CDK19: variants seen among roughly 807,000 people sequenced by gnomAD.
The protein encoded by CDK19 is cyclin dependent kinase 19, also known as cyclin-dependent kinase 19.
A neutral mutation model predicts 68.3 loss-of-function variants in CDK19; 20 were observed. The observed-to-expected ratio is 0.29, with a 90% CI of 0.21 to 0.43. The LOEUF (loss-of-function observed/expected upper bound fraction) is 0.43. CDK19 is among the 20% of genes least tolerant of loss of function. The pLI is 1.00. For synonymous variants in CDK19, 221 were observed against 222.8 expected, an observed-to-expected ratio of 0.99 and a Z score of 0.07; for missense variants, 339 against 623.5, an observed-to-expected ratio of 0.54 and a Z score of 4.86.
At chr6:110,715,413 T>A (rs1438587469) in intron 2 of CDK19, among the ~76,000 whole-genome samples, 1 of 152,224 alleles carries the variant, frequency 6.6e-6, no homozygotes, top group Non-Finnish European at 1.5e-5. Context: ...TATTTAAGAA[T>A]CAGACAGAAA....
At position 110,815,249 on chromosome 6, in the gene CDK19, G is replaced by T; in HGVS notation, c.-113C>A. ...TCTCCAACAGCCGCCTCTCGCGCGC[G>T]CGCGCGCGCCGCCCGCCGCCCGCCG... On this transcript the variant is annotated 5_prime_UTR_variant, in exon 1 of 13. Transcript: ENST00000368911. The T allele has an allele frequency of 8.2e-7, 1 of 1,220,230 alleles. No homozygotes were observed. Among genetic ancestry groups the T allele is most frequent in the Non-Finnish European group, 1.0e-6 (1 of 962,330 alleles). The allele number at this position is 1,220,230 out of a possible 1,614,324, so 75.6% of individuals were successfully genotyped here.
intron 2 of CDK19, among the ~76,000 whole-genome samples, chr6:110,687,541 C>T (rs1772595982): frequency 6.6e-6 from 1 of 152,094 alleles, no homozygotes. Flanking sequence ...TTCCATTAAA[C>T]AAAAATGCCA....
chr6:110,741,765 G>T (rs912543486), intron 2 of CDK19, among the ~76,000 whole-genome samples: 1 of 152,108 alleles, frequency 6.6e-6, no homozygotes, highest in African/African-American at 2.4e-5. Context: ...CAGTCAAAGT[G>T]TGAAAGAAAA....
chr6:110,728,094 C>A (rs150724033), intron 2 of CDK19, among the ~76,000 whole-genome samples: 2,057 of 152,004 alleles, frequency 0.014, 58 homozygotes, highest in African/African-American at 0.047. Flanking sequence ...TCAAGACCAG[C>A]CTGAGCAACA....
chr6:110,738,513 C>T (rs1777417493), intron 2 of CDK19, among the ~76,000 whole-genome samples: 1 of 152,128 alleles, frequency 6.6e-6, no homozygotes, highest in South Asian at 2.1e-4. Flanking sequence ...GAGCAAGACT[C>T]TGTCTCAAAA....
chr6:110,687,217 T>C lies in CDK19; in HGVS notation c.205-16676A>G, dbSNP rs556438078. 3.3e-5 allele frequency among the ~76,000 whole-genome samples: 5 copies of C among 152,314 alleles called. No homozygotes were observed. In the South Asian group the frequency reaches 1.0e-3, roughly 32 times the overall value. On this transcript the variant is annotated intron_variant, in intron 2 of 12. Transcript: ENST00000368911. ...CTGATGGAACTTACCTAACACATGT[T>C]GAAAGTTCCACTTTTCAGGACATTG...
intron 2 of CDK19, among the ~76,000 whole-genome samples, chr6:110,734,520 G>GCTCTCTCTCTCTCTATCTCT (rs1777055173): frequency 1.2e-5 from 1 of 85,734 alleles, no homozygotes; most frequent in Non-Finnish European, 2.3e-5. Context: ...GGTGAGCACT[G>GCTCTCTCTCTCTCTATCTCT]CTCTCTCTCT....
intron 2 of CDK19, among the ~76,000 whole-genome samples, chr6:110,679,615 A>C (rs1268054874): frequency 6.6e-6 from 1 of 152,202 alleles, no homozygotes; most frequent in Non-Finnish European, 1.5e-5. Context: ...TGTCTCTAAA[A>C]ACATAAAAAA....
At chr6:110,620,899 C>T (rs1420534625) in intron 12 of CDK19, among the ~76,000 whole-genome samples, 2 of 152,076 alleles carry the variant, frequency 1.3e-5, no homozygotes, top group African/African-American at 2.4e-5. Context: ...TTCCTCTCCT[C>T]GGGTGTCAGG....
chr6:110,634,820 C>A (rs998001914), intron 5 of CDK19, among the ~76,000 whole-genome samples: 1 of 152,176 alleles, frequency 6.6e-6, no homozygotes, highest in African/African-American at 2.4e-5. Context: ...GAAAAACATT[C>A]TAAAGTAAAG....
intron 1 of CDK19, among the ~76,000 whole-genome samples, chr6:110,780,134 C>T (rs1349080568): frequency 1.3e-5 from 2 of 151,876 alleles, no homozygotes; most frequent in African/African-American, 2.4e-5. Context: ...TGGAGAATCA[C>T]TTGAACCCAG....
intron 5 of CDK19, among the ~76,000 whole-genome samples, chr6:110,637,244 T>C (rs1779840053): frequency 1.3e-5 from 2 of 152,244 alleles, no homozygotes; most frequent in Non-Finnish European, 2.9e-5. Context: ...TTCGCCTGTA[T>C]CTGGCAAAAA....
intron 2 of CDK19, among the ~76,000 whole-genome samples, chr6:110,693,137 A>G (rs1284512866): frequency 1.3e-5 from 2 of 152,250 alleles, no homozygotes; most frequent in African/African-American, 4.8e-5. Context: ...TTGGACAGAC[A>G]GAACAGCGTG....
chr6:110,671,173 T>G (rs140211313), intron 2 of CDK19, among the ~76,000 whole-genome samples: 1 of 151,806 alleles, frequency 6.6e-6, no homozygotes, highest in Non-Finnish European at 1.5e-5. Flanking sequence ...AAAAAAGAAA[T>G]AGGACTTCAC....
At chr6:110,670,660 G>C in intron 2 of CDK19, 119 bp from the exon 3 acceptor site, 1 of 678,386 alleles carries the variant, frequency 1.5e-6, no homozygotes, top group East Asian at 2.7e-5. Context: ...TAAGCAAAAT[G>C]AAAGAAAAAA....
chr6:110,809,585 C>T (rs1270461781), intron 1 of CDK19, among the ~76,000 whole-genome samples: 2 of 152,272 alleles, frequency 1.3e-5, no homozygotes, highest in East Asian at 3.9e-4. Context: ...AGAAAAAATA[C>T]ATTAGAAGTA....
chr6:110,664,872 AAGAC>A (rs1781828189), intron 4 of CDK19, among the ~76,000 whole-genome samples: 1 of 152,234 alleles, frequency 6.6e-6, no homozygotes, highest in East Asian at 1.9e-4. Flanking sequence ...TGGGCCCTGA[AAGAC>A]AGATAGTATT....
intron 2 of CDK19, among the ~76,000 whole-genome samples, chr6:110,690,782 C>T (rs1772918675): frequency 6.6e-6 from 1 of 152,000 alleles, no homozygotes; most frequent in Non-Finnish European, 1.5e-5. Context: ...AGAGTCATCA[C>T]CCCTGAAAAT....
At chr6:110,792,580 G>A (rs138166671) in intron 1 of CDK19, among the ~76,000 whole-genome samples, 2,046 of 152,208 alleles carry the variant, frequency 0.013, 48 homozygotes, top group African/African-American at 0.047. Context: ...GCTAATTTTG[G>A]TATTTTTAGT....
Sources: allele counts gnomAD v4.1 joint callset (sites outside exome capture counted in the v4.1 genomes callset), GRCh38; gene constraint gnomAD v4.1.1; transcripts MANE v1.5; gene names NCBI Gene and HGNC (gene_info 2026-07-23, HGNC 2026-07-21).